SPOCK1: variants seen among roughly 807,000 people sequenced by gnomAD.
SPOCK1 encodes the protein testican-1.
In SPOCK1, 23 loss-of-function variants were observed where a neutral mutation model predicts 55.3. That is an observed-to-expected ratio of 0.42 (90% CI 0.30 to 0.59). SPOCK1 has a LOEUF of 0.59. SPOCK1 is among the 20% of genes least tolerant of loss of function. The pLI is 0.22. For synonymous variants in SPOCK1, 226 were observed against 221.0 expected, an observed-to-expected ratio of 1.02 and a Z score of -0.20; for missense variants, 499 against 552.5, an observed-to-expected ratio of 0.90 and a Z score of 0.97.
Position 137,129,027 on chromosome 5 carries a change from C to T in SPOCK1, c.347+11553G>A, listed in dbSNP as rs1753827163. ...AACAAGAATTTAAGGAAATACAGTC[C>T]ACCCTAAACCACACAATTCTATCAC... is the stretch of plus-strand genomic sequence containing the variant. On this transcript the variant is annotated intron_variant, in intron 4 of 10. Coordinates refer to ENST00000394945, the MANE Select transcript of SPOCK1 (RefSeq NM_004598.4). Among the ~76,000 whole-genome samples, 3 of 152,150 alleles carry T rather than the reference C, an allele frequency of 2.0e-5. No homozygotes were observed. In the South Asian group the frequency reaches 6.2e-4, roughly 32 times the overall value.
intron 4 of SPOCK1, among the ~76,000 whole-genome samples, chr5:137,116,502 T>C (rs892206301): frequency 4.0e-5 from 6 of 151,744 alleles, no homozygotes; most frequent in Admixed American, 6.6e-5. Context: ...AAAAATTAGC[T>C]GGCTGTGGTG....
intron 2 of SPOCK1, among the ~76,000 whole-genome samples, chr5:137,474,142 T>C (rs2348604): frequency 0.29 from 43,828 of 151,820 alleles, 6,313 homozygotes; most frequent in Middle Eastern, 0.38. Flanking sequence ...CGGTGCAGCG[T>C]ATGGTGCACC....
intron 2 of SPOCK1, among the ~76,000 whole-genome samples, chr5:137,493,283 T>C (rs1754225666): frequency 6.6e-6 from 1 of 152,222 alleles, no homozygotes; most frequent in Admixed American, 6.5e-5. Context: ...AACATTATTT[T>C]GCCTCCTCAA....
intron 2 of SPOCK1, among the ~76,000 whole-genome samples, chr5:137,319,971 AAAC>A (rs1441046510): frequency 1.0e-3 from 156 of 151,094 alleles, no homozygotes; most frequent in African/African-American, 1.6e-3. Flanking sequence ...AAAAAAAAAA[AAAC>A]AACACATGAT....
At chr5:137,282,376 C>T (rs57136806) in intron 2 of SPOCK1, among the ~76,000 whole-genome samples, 4,941 of 152,334 alleles carry the variant, frequency 0.032, 109 homozygotes, top group Admixed American at 0.045. Flanking sequence ...TTACTCACAG[C>T]TTAAGGTATG....
chr5:137,334,309 C>G (rs981240283), intron 2 of SPOCK1, among the ~76,000 whole-genome samples: 1 of 152,178 alleles, frequency 6.6e-6, no homozygotes, highest in South Asian at 2.1e-4. Context: ...AATATATGAA[C>G]AGGGTTCCAG....
At chr5:137,372,141 C>CT (rs1751215221) in intron 2 of SPOCK1, among the ~76,000 whole-genome samples, 1 of 152,154 alleles carries the variant, frequency 6.6e-6, no homozygotes, top group Admixed American at 6.5e-5. Context: ...GTGAGCTAGC[C>CT]TAGTTTCAGC....
At chr5:137,419,628 T>C (rs987373364) in intron 2 of SPOCK1, among the ~76,000 whole-genome samples, 1 of 152,228 alleles carries the variant, frequency 6.6e-6, no homozygotes, top group African/African-American at 2.4e-5. Context: ...ATAAGAATGC[T>C]TGTGATTTTT....
At chr5:137,031,059 T>TA in intron 6 of SPOCK1, among the ~76,000 whole-genome samples, 1 of 152,336 alleles carries the variant, frequency 6.6e-6, no homozygotes, top group Non-Finnish European at 1.5e-5. Flanking sequence ...ACATGTTCAA[T>TA]AATACATATT....
At chr5:137,311,480 A>G (rs1757787566) in intron 2 of SPOCK1, among the ~76,000 whole-genome samples, 1 of 152,208 alleles carries the variant, frequency 6.6e-6, no homozygotes, top group Non-Finnish European at 1.5e-5. Flanking sequence ...ACAAGCATAT[A>G]TAACAGATAA....
chr5:137,476,784 G>T (rs767912517), intron 2 of SPOCK1, among the ~76,000 whole-genome samples: 8 of 152,126 alleles, frequency 5.3e-5, no homozygotes, highest in Non-Finnish European at 1.0e-4. Flanking sequence ...AATCAGCCAG[G>T]CATGGAGGCA....
chr5:137,286,520 G>A (rs72794584), intron 2 of SPOCK1, among the ~76,000 whole-genome samples: 5,155 of 152,258 alleles, frequency 0.034, 133 homozygotes, highest in Non-Finnish European at 0.049. Context: ...CACTCACCCA[G>A]AAGGGCCCCT....
chr5:137,478,942 T>C (rs1438464509), intron 2 of SPOCK1, among the ~76,000 whole-genome samples: 1 of 151,870 alleles, frequency 6.6e-6, no homozygotes, highest in Non-Finnish European at 1.5e-5. Flanking sequence ...AAAGAACTAA[T>C]CTCTACCATT....
intron 5 of SPOCK1, among the ~76,000 whole-genome samples, chr5:137,081,149 G>A (rs1420061552): frequency 6.6e-6 from 1 of 152,206 alleles, no homozygotes; most frequent in Non-Finnish European, 1.5e-5. Context: ...TCCTCATGCT[G>A]TCTGTGTTTC....
intron 3 of SPOCK1, among the ~76,000 whole-genome samples, chr5:137,237,280 G>T (rs1756198927): frequency 6.6e-6 from 1 of 152,300 alleles, no homozygotes. Flanking sequence ...CTCATTCAGT[G>T]AATGGAAGAG....
chr5:137,467,740 C>T (rs1753650300), intron 2 of SPOCK1, among the ~76,000 whole-genome samples: 1 of 152,136 alleles, frequency 6.6e-6, no homozygotes, highest in African/African-American at 2.4e-5. Flanking sequence ...ATTTCAGACA[C>T]AAAGGGAATA....
chr5:137,175,341 T>A (rs1481338342), intron 3 of SPOCK1, among the ~76,000 whole-genome samples: 3 of 152,014 alleles, frequency 2.0e-5, no homozygotes, highest in Non-Finnish European at 4.4e-5. Context: ...GGCTTTTGAG[T>A]AAAATTGTGA....
chr5:137,423,389 C>G (rs911332777), intron 2 of SPOCK1, among the ~76,000 whole-genome samples: 35 of 152,242 alleles, frequency 2.3e-4, no homozygotes, highest in Non-Finnish European at 4.0e-4. Context: ...GAGGTGGAGT[C>G]TACAGAGGCA....
intron 2 of SPOCK1, among the ~76,000 whole-genome samples, chr5:137,330,673 C>T (rs1758156968): frequency 6.6e-6 from 1 of 152,168 alleles, no homozygotes; most frequent in South Asian, 2.1e-4. Flanking sequence ...GAGATGAGGC[C>T]ATGCCTACAT....
Sources: gnomAD v4.1 joint callset for allele counts (sites outside exome capture counted in the v4.1 genomes callset) on GRCh38, gnomAD v4.1.1 for gene constraint, MANE v1.5 for transcripts, NCBI Gene and HGNC (gene_info 2026-07-23, HGNC 2026-07-21) for gene names.